CDH2: variants seen among roughly 807,000 people sequenced by gnomAD.
CDH2 encodes the protein cadherin 2, also known as cadherin-2.
In CDH2, 17 loss-of-function variants were observed where a neutral mutation model predicts 92.0. The observed-to-expected ratio is 0.18, with a 90% CI of 0.13 to 0.28. CDH2 has a LOEUF of 0.28. Ranked by LOEUF, CDH2 falls within the 10% of genes least tolerant of loss-of-function variation. The probability of loss-of-function intolerance (pLI) is 1.00; values close to 1 mark genes in which losing one functional copy is unlikely to be tolerated. For missense variants in CDH2, 862 were observed against 1,133.1 expected (o/e 0.76, Z 3.44); for synonymous variants, 419 against 415.9 (o/e 1.01, Z -0.09).
intron 10 of CDH2, among the ~76,000 whole-genome samples, chr18:27,989,049 G>A (rs1567951769): frequency 6.6e-6 from 1 of 152,164 alleles, no homozygotes; most frequent in Non-Finnish European, 1.5e-5. Context: ...CAGGAGTTAA[G>A]AGAAATTATA....
At chr18:28,006,291 C>T (rs2012915693) in intron 5 of CDH2, among the ~76,000 whole-genome samples, 3 of 152,096 alleles carry the variant, frequency 2.0e-5, no homozygotes, top group Admixed American at 1.3e-4. Flanking sequence ...TGAAATTGAG[C>T]CTCAGAAAGA....
At chr18:28,024,715 T>A (rs149079323) in intron 2 of CDH2, among the ~76,000 whole-genome samples, 1 of 151,882 alleles carries the variant, frequency 6.6e-6, no homozygotes, top group Admixed American at 6.6e-5. Flanking sequence ...TCAACTAATT[T>A]AATTGAAAGG....
chr18:28,143,348 T>C (rs1005392122), intron 2 of CDH2, among the ~76,000 whole-genome samples: 1 of 152,016 alleles, frequency 6.6e-6, no homozygotes, highest in Non-Finnish European at 1.5e-5. Flanking sequence ...AATGAAAATG[T>C]ATGATTGCAG....
chr18:28,150,179 C>G (rs1050464918), intron 1 of CDH2, among the ~76,000 whole-genome samples: 1 of 152,202 alleles, frequency 6.6e-6, no homozygotes, highest in Admixed American at 6.5e-5. Context: ...GTCCAGGCTT[C>G]TAAGAGCAGT....
intron 14 of CDH2, among the ~76,000 whole-genome samples, chr18:27,978,283 T>G (rs2143933418): frequency 6.6e-6 from 1 of 152,228 alleles, no homozygotes; most frequent in South Asian, 2.1e-4. Flanking sequence ...GTCAGAAAAC[T>G]TACCCTATTG....
intron 14 of CDH2, among the ~76,000 whole-genome samples, chr18:27,965,169 C>T (rs112417041): frequency 6.6e-6 from 1 of 152,200 alleles, no homozygotes; most frequent in Non-Finnish European, 1.5e-5. Flanking sequence ...AGAATCAAAA[C>T]CATGAGTGTC....
chr18:28,172,464 G>T (rs1225371699), intron 1 of CDH2, among the ~76,000 whole-genome samples: 3 of 151,966 alleles, frequency 2.0e-5, no homozygotes, highest in African/African-American at 7.3e-5. Context: ...ACTAGCATCT[G>T]CTCAAATTAA....
intron 5 of CDH2, among the ~76,000 whole-genome samples, chr18:28,007,165 A>AAAAAATATATATATATATAT (rs1172779200): frequency 2.7e-5 from 3 of 110,500 alleles, no homozygotes; most frequent in African/African-American, 4.4e-5. Flanking sequence ...ATAAAAAAAA[A>AAAAAATATATATATATATAT]ATATATATAT....
downstream of CDH2, among the ~76,000 whole-genome samples, chr18:27,947,910 A>G (rs981975810): frequency 2.6e-5 from 4 of 151,496 alleles, no homozygotes; most frequent in Non-Finnish European, 5.9e-5. Flanking sequence ...GTGTTTGGAA[A>G]ACAGATATAA....
chr18:27,935,579 G>C (rs1350081731), intron 6 of CDH2, among the ~76,000 whole-genome samples: 1 of 152,192 alleles, frequency 6.6e-6, no homozygotes, highest in African/African-American at 2.4e-5. Context: ...GATGAAGTCA[G>C]ATATTCATTT....
rs779651386 is a variant in CDH2, at chr18:28,003,064, G to C, written c.953C>G (p.Pro318Arg). ...CTCATTGTTGATTGTAAACATGTTG[G>C]GTGAAGGGGTGCTTGGAGCCTGAGA... ...IVSQAPSTPS[P>R]NMFTINNETG... The change falls in exon 7 of 16, where the codon CCC becomes CGC. Residue 318 changes from proline to arginine, a missense_variant. This residue lies in a region of CDH2 where 564 missense variants were observed against 722.2 expected (regional missense o/e 0.78). Transcript: ENST00000269141. The C allele has an allele frequency of 6.8e-6, 11 of 1,613,994 alleles. No individual in the cohort carries two copies. Among genetic ancestry groups the C allele is most frequent in the South Asian group, 3.3e-5 (3 of 91,066 alleles).
At chr18:27,949,913 ACAT>A (rs1163138885), downstream of CDH2, among the ~76,000 whole-genome samples, 2 of 152,026 alleles carry the variant, frequency 1.3e-5, no homozygotes, top group Non-Finnish European at 2.9e-5. Context: ...TGTGAATTGT[ACAT>A]CAACCATAAG....
chr18:28,169,652 C>T (rs1395737403), intron 1 of CDH2, among the ~76,000 whole-genome samples: 5 of 152,052 alleles, frequency 3.3e-5, no homozygotes, highest in Admixed American at 3.3e-4. Context: ...TAGGTAAGTA[C>T]ACTATCTAAT....
intron 7 of CDH2, 109 bp from the exon 8 acceptor site, chr18:27,993,746 A>G (rs2012499535): frequency 3.7e-6 from 3 of 815,956 alleles, no homozygotes; most frequent in African/African-American, 1.7e-5. Context: ...GGCATCATTC[A>G]TTCTGATTAA....
intron 1 of CDH2, among the ~76,000 whole-genome samples, chr18:28,169,716 G>A (rs981684643): frequency 1.3e-5 from 2 of 152,114 alleles, no homozygotes; most frequent in Admixed American, 6.5e-5. Context: ...AACAGATCAT[G>A]GATCAAACAT....
rs1397542114 is a variant in CDH2, at chr18:27,993,505, T to C, written c.1153A>G (p.Met385Val). The C allele has an allele frequency of 6.2e-7, 1 of 1,613,746 alleles. No homozygotes were observed. The highest frequency in any genetic ancestry group is 2.2e-5 in the East Asian group (1 of 44,888). Residue 385 changes from methionine to valine, a missense_variant, in exon 8 of 16, where the codon ATG becomes GTG. Met to Val is a conservative substitution (Grantham distance 21). Coordinates refer to ENST00000269141, the MANE Select transcript of CDH2 (RefSeq NM_001792.5). ...GAGTGACAGGCTGTACTCACCGTCA[T>C]GGCAGTAAACTCTGGAGGATTGTCA... ...VNDNPPEFTAMTFYGEVPENR... is the reference protein window; with the variant it reads ...VNDNPPEFTAVTFYGEVPENR...
chr18:27,993,468 C>T, intron 8 of CDH2, 32 bp downstream of exon 8: 1 of 1,598,594 alleles, frequency 6.3e-7, no homozygotes, highest in Non-Finnish European at 8.5e-7. Context: ...AACTACAGAC[C>T]CAAAGTTGTG....
At chr18:28,039,110 T>G (rs1183622545) in intron 2 of CDH2, among the ~76,000 whole-genome samples, 1 of 152,152 alleles carries the variant, frequency 6.6e-6, no homozygotes, top group Non-Finnish European at 1.5e-5. Context: ...GTTCCTTGTT[T>G]AATGCCCTGC....
chr18:28,127,635 C>CA lies in CDH2; in HGVS notation c.172+20037dup, dbSNP rs202103889. Among the ~76,000 whole-genome samples the CA allele has an allele frequency of 2.2e-3, 331 of 150,168 alleles. 1 individual carries two copies. Among genetic ancestry groups the CA allele is most frequent in the African/African-American group, 7.3e-3 (300 of 40,944 alleles). On this transcript the variant is annotated intron_variant, in intron 2 of 15. Transcript: ENST00000269141. ...ACAATATAGCAATTTAAGCCATGAC[C>CA]AAAAAAAAACCTGCAAATACTTATG...
Sources: allele counts gnomAD v4.1 joint callset (sites outside exome capture counted in the v4.1 genomes callset), GRCh38; gene constraint gnomAD v4.1.1; regional missense constraint gnomAD v4.1.1; transcripts MANE v1.5; gene names NCBI Gene and HGNC (gene_info 2026-07-23, HGNC 2026-07-21).